PTER: variants seen among roughly 807,000 people sequenced by gnomAD.
The protein encoded by PTER is N-acetyltaurine hydrolase.
A neutral mutation model predicts 29.6 loss-of-function variants in PTER; 38 were observed. The observed-to-expected ratio is 1.28, with a 90% CI of 0.99 to 1.68. The LOEUF (loss-of-function observed/expected upper bound fraction) is 1.68. PTER is among the 40% of genes most tolerant of loss of function. The probability of loss-of-function intolerance (pLI) is 0.00; values close to 1 mark genes in which losing one functional copy is unlikely to be tolerated. For synonymous variants in PTER, 172 were observed against 154.5 expected (o/e 1.11, Z -0.84); for missense variants, 482 against 427.8 (o/e 1.13, Z -1.12).
At chr10:16,451,576 G>A (rs975351064) in intron 1 of PTER, among the ~76,000 whole-genome samples, 1 of 152,118 alleles carries the variant, frequency 6.6e-6, no homozygotes, top group Non-Finnish European at 1.5e-5. Flanking sequence ...GCTGGGTGTG[G>A]TGGTGCACTC....
chr10:16,440,785 G>A (rs768275867), intron 1 of PTER, among the ~76,000 whole-genome samples: 28 of 152,232 alleles, frequency 1.8e-4, no homozygotes, highest in Non-Finnish European at 3.7e-4. Flanking sequence ...TGTGTTAGAC[G>A]TATTCGATGA....
chr10:16,439,531 A>T (rs1833774613), intron 1 of PTER, among the ~76,000 whole-genome samples: 1 of 152,132 alleles, frequency 6.6e-6, no homozygotes, highest in African/African-American at 2.4e-5. Context: ...AGCAGCCCTG[A>T]TGCAAGAATT....
intron 3 of PTER, among the ~76,000 whole-genome samples, chr10:16,502,391 G>A (rs749353668): frequency 1.1e-4 from 17 of 152,060 alleles, no homozygotes; most frequent in Non-Finnish European, 2.2e-4. Flanking sequence ...TTTCAGCCTA[G>A]TAATTTTGGA....
At chr10:16,474,910 A>G (rs1039435646) in intron 1 of PTER, among the ~76,000 whole-genome samples, 6 of 152,102 alleles carry the variant, frequency 3.9e-5, no homozygotes, top group African/African-American at 1.4e-4. Flanking sequence ...AAACAAATTT[A>G]TTTCTCATCA....
intron 4 of PTER, among the ~76,000 whole-genome samples, chr10:16,507,247 A>G (rs1431791290): frequency 2.0e-5 from 3 of 148,844 alleles, no homozygotes; most frequent in African/African-American, 7.5e-5. Flanking sequence ...CTGTATGTGT[A>G]TGTGTATATA....
intron 1 of PTER, among the ~76,000 whole-genome samples, chr10:16,473,981 G>C (rs1445270306): frequency 7.9e-5 from 12 of 152,200 alleles, no homozygotes; most frequent in Non-Finnish European, 8.8e-5. Context: ...ACTTTGGGAG[G>C]CCTAGGTGGG....
At position 16,488,586 on chromosome 10, in the gene PTER, A is replaced by AATAT. The variant is rs34128884; in HGVS notation, c.698+1982_698+1985dup. 1.1e-3 allele frequency among the ~76,000 whole-genome samples: 162 copies of AATAT among 145,942 alleles called. 1 individual carries two copies. Among genetic ancestry groups the AATAT allele is most frequent in the Middle Eastern group, 3.6e-3 (1 of 276 alleles). The stretch of plus-strand genomic sequence containing the variant: ...AGTATTCTGCATTTCTACTAATTTA[A>AATAT]ATATATATATATATATGGAGAGAGA... On this transcript the variant is annotated intron_variant, in intron 3 of 4. Transcript: ENST00000535784.
chr10:16,441,541 T>C (rs1395174500), intron 1 of PTER, among the ~76,000 whole-genome samples: 1 of 152,204 alleles, frequency 6.6e-6, no homozygotes, highest in Admixed American at 6.5e-5. Context: ...GCCGGGAGCA[T>C]TGTGCTTTGG....
intron 1 of PTER, among the ~76,000 whole-genome samples, chr10:16,443,935 C>T (rs760435957): frequency 2.0e-5 from 3 of 151,730 alleles, no homozygotes; most frequent in South Asian, 4.2e-4. Flanking sequence ...ACAATTATCA[C>T]GATACTATCA....
chr10:16,506,938 GATT>G (rs1428383983), intron 4 of PTER, among the ~76,000 whole-genome samples: 3 of 151,960 alleles, frequency 2.0e-5, no homozygotes, highest in African/African-American at 7.3e-5. Context: ...ACGATTTGGT[GATT>G]ATTTTCCAAA....
intron 1 of PTER, among the ~76,000 whole-genome samples, chr10:16,451,721 T>C (rs937378944): frequency 6.6e-6 from 1 of 151,958 alleles, no homozygotes; most frequent in Non-Finnish European, 1.5e-5. Context: ...CAAAAGTAAA[T>C]AAATAAATAA....
At chr10:16,489,182 A>G (rs1176906008) in intron 3 of PTER, among the ~76,000 whole-genome samples, 3 of 152,114 alleles carry the variant, frequency 2.0e-5, no homozygotes, top group African/African-American at 7.2e-5. Context: ...TCTCTTTCCA[A>G]CGGAATCAAT....
intron 1 of PTER, among the ~76,000 whole-genome samples, chr10:16,453,647 G>A (rs182685447): frequency 6.6e-6 from 1 of 152,268 alleles, no homozygotes; most frequent in African/African-American, 2.4e-5. Flanking sequence ...TTATAGTAAA[G>A]TAAATACTGG....
At chr10:16,483,692 A>G (rs1835569159) in intron 1 of PTER, among the ~76,000 whole-genome samples, 1 of 152,110 alleles carries the variant, frequency 6.6e-6, no homozygotes, top group South Asian at 2.1e-4. Flanking sequence ...CTAAAAATGC[A>G]AAAATTAGCC....
rs1486171857 is a variant in PTER, at chr10:16,511,895, G to A, written c.*639G>A. On this transcript the variant is annotated 3_prime_UTR_variant, in exon 5 of 5. Coordinates refer to ENST00000535784, the MANE Select transcript of PTER (RefSeq NM_001261836.2). ...CTTTGGCTTTCCGGTATCTATTTTT[G>A]CCATACATTTTGCTGTTTTGCAAAG... 1.3e-5 allele frequency: 2 copies of A among 152,368 alleles called. No individual in the cohort carries two copies. The highest frequency in any genetic ancestry group is 2.9e-5 in the Non-Finnish European group (2 of 68,078). The allele number at this position is 152,368 out of a possible 1,614,324, so 9.4% of individuals were successfully genotyped here. A position where few individuals can be genotyped will look rare whatever the true frequency, so the allele number is the denominator to read the frequency against.
chr10:16,441,369 C>G (rs1833843705), intron 1 of PTER, among the ~76,000 whole-genome samples: 1 of 152,080 alleles, frequency 6.6e-6, no homozygotes, highest in African/African-American at 2.4e-5. Context: ...TCCGTACTTA[C>G]CATTGACTAA....
intron 1 of PTER, among the ~76,000 whole-genome samples, chr10:16,462,037 G>A (rs1222315987): frequency 1.3e-5 from 2 of 150,762 alleles, no homozygotes; most frequent in Non-Finnish European, 2.9e-5. Context: ...CCAGGCTGGA[G>A]TGTGATGGCA....
At chr10:16,502,823 T>G (rs1245137089) in intron 3 of PTER, among the ~76,000 whole-genome samples, 1 of 151,654 alleles carries the variant, frequency 6.6e-6, no homozygotes, top group Non-Finnish European at 1.5e-5. Flanking sequence ...ACCCCGTCTT[T>G]ACTAAAAATA....
intron 1 of PTER, among the ~76,000 whole-genome samples, chr10:16,453,361 C>T (rs1438648126): frequency 1.3e-5 from 2 of 152,072 alleles, no homozygotes; most frequent in African/African-American, 4.8e-5. Flanking sequence ...TATACAGACA[C>T]ACATATATAC....
Sources: gnomAD v4.1 joint callset for allele counts (sites outside exome capture counted in the v4.1 genomes callset) on GRCh38, gnomAD v4.1.1 for gene constraint, MANE v1.5 for transcripts, NCBI Gene and HGNC (gene_info 2026-07-23, HGNC 2026-07-21) for gene names.